The following FBXO16 variants were observed in gnomAD, a reference collection of about 807,000 sequenced individuals.
FBXO16 encodes F-box only protein 16.
In FBXO16, 31 loss-of-function variants were observed where a neutral mutation model predicts 41.0. The ratio of observed to expected loss-of-function variants is 0.76; its 90% CI spans 0.57 to 1.02. The LOEUF (loss-of-function observed/expected upper bound fraction) is 1.02, where lower values mean the gene tolerates loss of function less well. FBXO16 is among the 50% of genes least tolerant of loss of function. The probability of loss-of-function intolerance (pLI) is 0.00; values close to 1 mark genes in which losing one functional copy is unlikely to be tolerated. For synonymous variants in FBXO16, 133 were observed against 117.8 expected, an observed-to-expected ratio of 1.13 and a Z score of -0.84; for missense variants, 361 against 346.2, an observed-to-expected ratio of 1.04 and a Z score of -0.34.
intron 4 of FBXO16, among the ~76,000 whole-genome samples, chr8:28,460,242 TATA>T (rs1226208071): frequency 7.2e-5 from 7 of 97,184 alleles, no homozygotes; most frequent in African/African-American, 3.4e-4. Flanking sequence ...TATATATATA[TATA>T]TTTTTTTTTT....
Position 28,441,014 on chromosome 8 carries a change from T to C in FBXO16, c.843+6157A>G, listed in dbSNP as rs141097709. Among the ~76,000 whole-genome samples, 957 of 151,874 alleles carry C rather than the reference T, an allele frequency of 6.3e-3. 12 individuals are homozygous for C. Among genetic ancestry groups the C allele is most frequent in the African/African-American group, 0.022 (907 of 41,394 alleles). ...GTTTTCTGTGAATTGTCCTAAGGAG[T>C]GTTCATTTTCATAGCTTTCTAGACT... On this transcript the variant is annotated intron_variant, in intron 7 of 8. Coordinates refer to ENST00000380254, the MANE Select transcript of FBXO16 (RefSeq NM_172366.4).
At chr8:28,445,369 A>C (rs1247412519) in intron 7 of FBXO16, among the ~76,000 whole-genome samples, 7 of 152,322 alleles carry the variant, frequency 4.6e-5, no homozygotes, top group African/African-American at 1.7e-4. Flanking sequence ...TCAAAAGCCC[A>C]TGGGGATGGC....
intron 7 of FBXO16, among the ~76,000 whole-genome samples, chr8:28,446,538 C>A (rs1178275826): frequency 1.3e-5 from 2 of 151,804 alleles, no homozygotes; most frequent in South Asian, 2.1e-4. Context: ...CCTCCCCCTG[C>A]CCCAAAGGAC....
At chr8:28,481,340 T>C (rs939590015) in intron 2 of FBXO16, among the ~76,000 whole-genome samples, 31 of 151,930 alleles carry the variant, frequency 2.0e-4, no homozygotes, top group Non-Finnish European at 4.4e-5. Flanking sequence ...CAGTGTCAGC[T>C]GAGAATGGAG....
intron 1 of FBXO16, 111 bp from the exon 2 acceptor site, chr8:28,483,573 C>T (rs1480101948): frequency 4.2e-6 from 3 of 712,258 alleles, no homozygotes; most frequent in East Asian, 2.8e-5. Flanking sequence ...AATTCCAGCA[C>T]TTTGGGAGGC....
At chr8:28,463,478 T>C (rs909707204) in intron 4 of FBXO16, 134 bp downstream of exon 4, 2 of 811,412 alleles carry the variant, frequency 2.5e-6, no homozygotes, top group Admixed American at 2.8e-5. Context: ...AAGTGTACAT[T>C]TGTGTGTGTT....
rs978984515 is a variant in FBXO16, at chr8:28,436,452, G to T, written c.844-7049C>A. Reference sequence around the variant, plus strand: ...TTAAAGAATCCACAGGCCTGGCTTTGTGTTTGTTTTATCTTTTAAGTAACC... The same window carrying T: ...TTAAAGAATCCACAGGCCTGGCTTTTTGTTTGTTTTATCTTTTAAGTAACC... On this transcript the variant is annotated intron_variant, in intron 7 of 8. Coordinates refer to ENST00000380254, the MANE Select transcript of FBXO16 (RefSeq NM_172366.4). Among the ~76,000 whole-genome samples the T allele has an allele frequency of 2.0e-5, 3 of 152,338 alleles. No individual in the cohort carries two copies. In the East Asian group the frequency reaches 5.8e-4, roughly 29 times the overall value.
At chr8:28,474,316 C>CAAAAAAAAAAAAAAAA in intron 2 of FBXO16, among the ~76,000 whole-genome samples, 6 of 56,678 alleles carry the variant, frequency 1.1e-4, no homozygotes, top group Non-Finnish European at 1.3e-4. Flanking sequence ...CAGACCCTGT[C>CAAAAAAAAAAAAAAAA]AAAAAAAAAA....
intron 3 of FBXO16, among the ~76,000 whole-genome samples, chr8:28,464,810 C>T (rs1056608776): frequency 1.5e-4 from 23 of 152,242 alleles, no homozygotes; most frequent in Admixed American, 1.2e-3. Context: ...CGCGCCACCG[C>T]ACCTGGCTAA....
intron 4 of FBXO16, among the ~76,000 whole-genome samples, chr8:28,463,188 GTATGTTTGTGTA>G (rs535448743): frequency 1.4e-3 from 218 of 151,590 alleles, no homozygotes; most frequent in African/African-American, 5.2e-3. Flanking sequence ...GTATATGTGT[GTATGTTTGTGTA>G]TGTGTTTGTG....
intron 7 of FBXO16, among the ~76,000 whole-genome samples, chr8:28,438,660 G>A (rs1348721076): frequency 6.6e-6 from 1 of 152,178 alleles, no homozygotes; most frequent in African/African-American, 2.4e-5. Flanking sequence ...AGTGACGTTC[G>A]TTAGTCTTGT....
chr8:28,465,653 G>A (rs913526214), intron 3 of FBXO16, among the ~76,000 whole-genome samples: 1 of 151,816 alleles, frequency 6.6e-6, no homozygotes, highest in African/African-American at 2.4e-5. Flanking sequence ...TAAAAAAGCA[G>A]AAATAAGGAA....
intron 4 of FBXO16, among the ~76,000 whole-genome samples, chr8:28,460,240 TATATA>T (rs1447157264): frequency 2.4e-4 from 23 of 95,496 alleles, no homozygotes; most frequent in African/African-American, 1.3e-3. Context: ...TATATATATA[TATATA>T]TTTTTTTTTT....
At chr8:28,438,375 G>A (rs1464811683) in intron 7 of FBXO16, among the ~76,000 whole-genome samples, 1 of 151,914 alleles carries the variant, frequency 6.6e-6, no homozygotes, top group Non-Finnish European at 1.5e-5. Context: ...AAAGACAAAG[G>A]GGGAAGAAGA....
intron 6 of FBXO16, 44 bp from the exon 7 acceptor site, chr8:28,447,317 A>T: frequency 6.5e-7 from 1 of 1,528,764 alleles, no homozygotes. Context: ...GTATCTTTTT[A>T]AAACTCAGGT....
intron 1 of FBXO16, among the ~76,000 whole-genome samples, chr8:28,487,263 C>T (rs1238604415): frequency 6.6e-6 from 1 of 152,038 alleles, no homozygotes; most frequent in Admixed American, 6.6e-5. Context: ...GGACGTCCTG[C>T]CTCGTCTCTT....
chr8:28,475,570 A>C (rs1342765843), intron 2 of FBXO16, among the ~76,000 whole-genome samples: 1 of 152,180 alleles, frequency 6.6e-6, no homozygotes, highest in East Asian at 1.9e-4. Context: ...GCATCGCCCA[A>C]CCCATGCAAC....
At chr8:28,452,929 AAG>A (rs1478763668) in intron 5 of FBXO16, among the ~76,000 whole-genome samples, 14 of 115,314 alleles carry the variant, frequency 1.2e-4, no homozygotes, top group African/African-American at 5.5e-4. Flanking sequence ...AAAAGAAAAA[AAG>A]GAATATCATC....
intron 6 of FBXO16, chr8:28,447,525 G>A: frequency 2.3e-6 from 1 of 427,708 alleles, no homozygotes. Flanking sequence ...AGGATCTCCA[G>A]GATATACTGT....
Sources: allele counts gnomAD v4.1 joint callset (sites outside exome capture counted in the v4.1 genomes callset), GRCh38; gene constraint gnomAD v4.1.1; transcripts MANE v1.5; gene names NCBI Gene and HGNC (gene_info 2026-07-23, HGNC 2026-07-21).